The following TAX1BP1 variants were observed in gnomAD, a reference collection of about 807,000 sequenced individuals.
TAX1BP1 encodes Tax1 binding protein 1.
TAX1BP1 carries 62 observed loss-of-function variants against 97.7 expected under a neutral mutation model. The ratio of observed to expected loss-of-function variants is 0.63; its 90% CI spans 0.52 to 0.78. TAX1BP1 has a LOEUF of 0.78. Ranked by LOEUF, TAX1BP1 falls within the 30% of genes least tolerant of loss-of-function variation. The probability of loss-of-function intolerance (pLI) is 0.00; values close to 1 mark genes in which losing one functional copy is unlikely to be tolerated. For synonymous variants in TAX1BP1, 340 were observed against 304.2 expected (o/e 1.12, Z -1.23); for missense variants, 867 against 916.1 (o/e 0.95, Z 0.69).
chr7:27,822,537 A>T (rs1791018052), intron 15 of TAX1BP1, among the ~76,000 whole-genome samples: 1 of 148,300 alleles, frequency 6.7e-6, no homozygotes, highest in African/African-American at 2.5e-5. Context: ...CCTCAGCCAC[A>T]CTTGTTACTG....
chr7:27,783,778 T>A (rs1009760197), intron 5 of TAX1BP1, among the ~76,000 whole-genome samples: 2 of 152,160 alleles, frequency 1.3e-5, no homozygotes, highest in African/African-American at 4.8e-5. Context: ...ATAAAAAAAA[T>A]GTGAACATTA....
At chr7:27,793,754 G>A (rs1789806885) in intron 10 of TAX1BP1, among the ~76,000 whole-genome samples, 1 of 152,166 alleles carries the variant, frequency 6.6e-6, no homozygotes, top group Admixed American at 6.5e-5. Flanking sequence ...AGGTATGTAT[G>A]TTTCAATGTG....
intron 12 of TAX1BP1, 92 bp from the exon 13 acceptor site, chr7:27,799,873 A>G: frequency 2.1e-6 from 2 of 974,090 alleles, no homozygotes; most frequent in Non-Finnish European, 2.9e-6. Context: ...CAGTGTTATA[A>G]TAAATGTTCA....
At chr7:27,821,241 T>C (rs1316579915) in intron 15 of TAX1BP1, among the ~76,000 whole-genome samples, 3 of 152,238 alleles carry the variant, frequency 2.0e-5, no homozygotes, top group Non-Finnish European at 4.4e-5. Context: ...ACCTTTCATA[T>C]AGTAGAGGCT....
At chr7:27,754,556 C>A (rs115426269) in intron 2 of TAX1BP1, among the ~76,000 whole-genome samples, 2,236 of 151,642 alleles carry the variant, frequency 0.015, 51 homozygotes, top group African/African-American at 0.051. Flanking sequence ...AGGAGACTTT[C>A]AGTCTTTTTT....
chr7:27,746,415 G>GT lies in TAX1BP1; in HGVS notation c.-7-2090dup, dbSNP rs34156347. Among the ~76,000 whole-genome samples, 1,188 of 119,426 alleles carry GT rather than the reference G, an allele frequency of 9.9e-3. 10 individuals carry two copies. The highest frequency in any genetic ancestry group is 0.029 in the African/African-American group (951 of 32,984). The allele number at this position is 119,426 out of a possible 152,430, so 78.3% of individuals were successfully genotyped here. A position where few individuals can be genotyped will look rare whatever the true frequency, so the allele number is the denominator to read the frequency against. ...TTTTTTTTAAAGAACTGGAATTGGT[G>GT]TTTTTTTTTTTTTCCTTTGTGAAGC... On this transcript the variant is annotated intron_variant, in intron 1 of 16. Transcript: ENST00000396319.
intron 2 of TAX1BP1, among the ~76,000 whole-genome samples, chr7:27,754,492 G>T (rs1239396742): frequency 6.6e-6 from 1 of 151,308 alleles, no homozygotes; most frequent in Admixed American, 6.6e-5. Flanking sequence ...AATATCAATG[G>T]TTAGCACTGT....
At chr7:27,804,438 T>C (rs537506121) in intron 13 of TAX1BP1, among the ~76,000 whole-genome samples, 1 of 152,324 alleles carries the variant, frequency 6.6e-6, no homozygotes, top group Non-Finnish European at 1.5e-5. Flanking sequence ...CCAGCAACGA[T>C]TTTCTGATGC....
chr7:27,828,919 G>A lies in TAX1BP1; in HGVS notation c.*90G>A, dbSNP rs1562751983. ...TAGACCACTGAGGAGACCATAGAGC[G>A]GATGCTTTCATGCACCCTTTACTGC... is the stretch of plus-strand genomic sequence containing the variant. On this transcript the variant is annotated 3_prime_UTR_variant, in exon 17 of 17. Coordinates refer to ENST00000396319, the MANE Select transcript of TAX1BP1 (RefSeq NM_006024.7). The A allele has an allele frequency of 1.5e-5, 17 of 1,106,352 alleles. No individual in the cohort carries two copies. Among genetic ancestry groups the A allele is most frequent in the Admixed American group, 2.5e-5 (1 of 39,560 alleles). The allele number at this position is 1,106,352 out of a possible 1,614,324, so 68.5% of individuals were successfully genotyped here.
intron 13 of TAX1BP1, 51 bp from the exon 14 acceptor site, chr7:27,816,298 A>T (rs866130230): frequency 1.4e-6 from 2 of 1,396,408 alleles, no homozygotes; most frequent in Middle Eastern, 1.8e-4. Flanking sequence ...TGCTGTATTT[A>T]TGAAATATTT....
chr7:27,756,716 T>A (rs529001285), intron 2 of TAX1BP1, among the ~76,000 whole-genome samples: 3 of 152,154 alleles, frequency 2.0e-5, no homozygotes, highest in Non-Finnish European at 4.4e-5. Flanking sequence ...GCACTTCAGA[T>A]GCTGCTTTTA....
At chr7:27,791,111 A>C (rs750166156) in intron 8 of TAX1BP1, among the ~76,000 whole-genome samples, 4 of 152,066 alleles carry the variant, frequency 2.6e-5, no homozygotes, top group Non-Finnish European at 5.9e-5. Context: ...CTCCTTTGAC[A>C]TATAGAAGTT....
intron 7 of TAX1BP1, among the ~76,000 whole-genome samples, chr7:27,786,842 T>G (rs569301623): frequency 5.3e-5 from 8 of 152,338 alleles, no homozygotes; most frequent in Non-Finnish European, 1.0e-4. Context: ...CAGGTCTGTA[T>G]TTATAATTCC....
intron 15 of TAX1BP1, 83 bp from the exon 16 acceptor site, chr7:27,827,654 AC>A: frequency 9.7e-7 from 1 of 1,036,006 alleles, no homozygotes; most frequent in Non-Finnish European, 1.4e-6. Flanking sequence ...CTTCTTTTAT[AC>A]TGTCAGTATG....
At chr7:27,758,992 G>GA (rs74313058) in intron 3 of TAX1BP1, among the ~76,000 whole-genome samples, 36,186 of 150,166 alleles carry the variant, frequency 0.24, 5,098 homozygotes, top group East Asian at 0.52. Flanking sequence ...TTAAAAACTT[G>GA]AAAAAAAAAT....
chr7:27,825,003 T>TA lies in TAX1BP1; in HGVS notation c.2086-2733dup, dbSNP rs536191793. 8.9e-4 allele frequency among the ~76,000 whole-genome samples: 135 copies of TA among 152,310 alleles called. 1 individual carries two copies. Among genetic ancestry groups the TA allele is most frequent in the Middle Eastern group, 6.8e-3 (2 of 294 alleles). On this transcript the variant is annotated intron_variant, in intron 15 of 16. Coordinates refer to ENST00000396319, the MANE Select transcript of TAX1BP1 (RefSeq NM_006024.7). ...TTGTAAGTTTCAGTGCTGAAACTGA[T>TA]AATTTAATAATTTGGGGTAGAAATA...
At chr7:27,801,674 A>G (rs759646112) in intron 13 of TAX1BP1, among the ~76,000 whole-genome samples, 2 of 152,220 alleles carry the variant, frequency 1.3e-5, no homozygotes, top group South Asian at 2.1e-4. Context: ...ACACCACCCT[A>G]GGTAATCATC....
intron 2 of TAX1BP1, among the ~76,000 whole-genome samples, chr7:27,753,309 AAT>A (rs1227778895): frequency 6.6e-6 from 1 of 152,240 alleles, no homozygotes; most frequent in Non-Finnish European, 1.5e-5. Flanking sequence ...CAAATAAAAA[AAT>A]AAAAAGAACT....
chr7:27,751,394 AATAATTATACAC>A (rs1694044118), intron 2 of TAX1BP1, among the ~76,000 whole-genome samples: 1 of 152,198 alleles, frequency 6.6e-6, no homozygotes, highest in Non-Finnish European at 1.5e-5. Flanking sequence ...TAAAATTACA[AATAATTATACAC>A]ATGCATAATG....
Sources: allele counts gnomAD v4.1 joint callset (sites outside exome capture counted in the v4.1 genomes callset), GRCh38; gene constraint gnomAD v4.1.1; transcripts MANE v1.5; gene names NCBI Gene and HGNC (gene_info 2026-07-23, HGNC 2026-07-21).